The following DAB1 variants were observed in gnomAD, a reference collection of about 807,000 sequenced individuals.
The protein encoded by DAB1 is DAB adaptor protein 1.
In DAB1, 15 loss-of-function variants were observed where a neutral mutation model predicts 64.6. The observed-to-expected ratio is 0.23, with a 90% confidence interval of 0.16 to 0.36. DAB1 has a LOEUF of 0.36. DAB1 is among the 10% of genes least tolerant of loss of function. The pLI is 1.00. For missense variants in DAB1, 596 were observed against 706.7 expected (o/e 0.84, Z 1.78); for synonymous variants, 235 against 251.9 (o/e 0.93, Z 0.64).
chr1:58,151,908 G>A (rs750556890), intron 4 of DAB1, among the ~76,000 whole-genome samples: 7 of 152,194 alleles, frequency 4.6e-5, no homozygotes, highest in Admixed American at 3.3e-4. Context: ...TGTGGGGAAG[G>A]AACTTCTTGA....
At chr1:58,302,981 C>T (rs1459365960) in intron 4 of DAB1, among the ~76,000 whole-genome samples, 1 of 152,150 alleles carries the variant, frequency 6.6e-6, no homozygotes, top group Non-Finnish European at 1.5e-5. Context: ...CACCTTTCCT[C>T]TATTCTGCTT....
chr1:58,219,194 T>C (rs1659028033), intron 4 of DAB1, among the ~76,000 whole-genome samples: 2 of 151,906 alleles, frequency 1.3e-5, no homozygotes, highest in Non-Finnish European at 2.9e-5. Flanking sequence ...GTTCCTCCTC[T>C]CCTCCCCTCC....
At chr1:58,227,545 A>C (rs1362630686) in intron 4 of DAB1, among the ~76,000 whole-genome samples, 1 of 152,202 alleles carries the variant, frequency 6.6e-6, no homozygotes, top group African/African-American at 2.4e-5. Flanking sequence ...CCCCACACCC[A>C]CAGCACTCTG....
chr1:58,047,122 G>T (rs1313416332), intron 5 of DAB1, among the ~76,000 whole-genome samples: 2 of 152,118 alleles, frequency 1.3e-5, no homozygotes, highest in African/African-American at 4.8e-5. Flanking sequence ...TGGAAATTCT[G>T]TTTTATTATG....
At chr1:57,679,778 G>A (rs944554728) in intron 6 of DAB1, among the ~76,000 whole-genome samples, 2 of 152,182 alleles carry the variant, frequency 1.3e-5, no homozygotes, top group African/African-American at 4.8e-5. Context: ...AGGAAGCAGA[G>A]TTTCTGGATT....
intron 1 of DAB1, among the ~76,000 whole-genome samples, chr1:57,367,278 A>G (rs1406032783): frequency 1.3e-5 from 2 of 152,028 alleles, no homozygotes; most frequent in South Asian, 4.2e-4. Context: ...CTGTCTCAAA[A>G]AAAACAAAAA....
chr1:57,191,511 C>A (rs1175825111), intron 2 of DAB1, among the ~76,000 whole-genome samples: 1 of 152,124 alleles, frequency 6.6e-6, no homozygotes, highest in Non-Finnish European at 1.5e-5. Context: ...AAGCAAAGCT[C>A]CAAGACCATG....
At chr1:57,918,276 C>T (rs1213992405) in intron 5 of DAB1, among the ~76,000 whole-genome samples, 1 of 152,040 alleles carries the variant, frequency 6.6e-6, no homozygotes. Flanking sequence ...TTTTGTTTTG[C>T]TGTAACAGAA....
chr1:58,356,409 T>C (rs2100520265), intron 3 of DAB1, among the ~76,000 whole-genome samples: 1 of 152,304 alleles, frequency 6.6e-6, no homozygotes, highest in South Asian at 2.1e-4. Context: ...GCATACATAA[T>C]AACAAACAAA....
At chr1:58,483,660 C>G (rs181574426) in intron 3 of DAB1, among the ~76,000 whole-genome samples, 1 of 152,302 alleles carries the variant, frequency 6.6e-6, no homozygotes, top group African/African-American at 2.4e-5. Flanking sequence ...ATAGCACTTA[C>G]AGCACTTAAG....
At position 58,373,330 on chromosome 1, in the gene DAB1, T is replaced by A. The variant is rs201888868; in HGVS notation, n.258-29927A>T. Among the ~76,000 whole-genome samples, 129 of 72,658 alleles carry A rather than the reference T, an allele frequency of 1.8e-3. 4 individuals carry two copies. The highest frequency in any genetic ancestry group is 0.012 in the South Asian group (22 of 1,826). The allele number at this position is 72,658 out of a possible 152,430, so 47.7% of individuals were successfully genotyped here. On this transcript the variant is annotated intron_variant and non_coding_transcript_variant, in intron 3 of 20. Transcript: ENST00000485760. ...AATGCTATCCCTCCCCACTCCCCCC[T>A]CCCCACCACAGTCCCCAGAGTGTGA...
intron 2 of DAB1, among the ~76,000 whole-genome samples, chr1:57,279,676 A>T (rs1278941596): frequency 3.3e-5 from 5 of 152,228 alleles, no homozygotes; most frequent in African/African-American, 1.2e-4. Context: ...GAATACACAG[A>T]TGTGAAACCC....
chr1:57,385,087 A>G (rs1019662886), intron 1 of DAB1, among the ~76,000 whole-genome samples: 2 of 152,200 alleles, frequency 1.3e-5, no homozygotes, highest in Non-Finnish European at 2.9e-5. Flanking sequence ...ACAGATTGGG[A>G]TGTCTGCCCA....
chr1:57,120,646 C>T (rs933054203), intron 4 of DAB1, among the ~76,000 whole-genome samples: 1 of 152,178 alleles, frequency 6.6e-6, no homozygotes, highest in Non-Finnish European at 1.5e-5. Flanking sequence ...TGGTAACTAT[C>T]ATTCTACTTT....
chr1:57,919,728 T>C lies in DAB1; in HGVS notation n.388-35566A>G, dbSNP rs560934673. Among the ~76,000 whole-genome samples the C allele has an allele frequency of 4.6e-5, 7 of 152,298 alleles. No individual in the cohort carries two copies. The South Asian group carries it at 1.5e-3, about 32-fold the overall frequency. The stretch of plus-strand genomic sequence containing the variant: ...TTACAGGAGATAATAAACAAAGATA[T>C]TGTGATAGCTAAGCTTAGGGTGAGT... On this transcript the variant is annotated intron_variant and non_coding_transcript_variant, in intron 5 of 20. Coordinates refer to the DAB1 transcript ENST00000485760.
chr1:57,819,078 A>C (rs1652001627), intron 6 of DAB1, among the ~76,000 whole-genome samples: 1 of 152,204 alleles, frequency 6.6e-6, no homozygotes, highest in South Asian at 2.1e-4. Flanking sequence ...ATAGTGCTAT[A>C]TACATATTTG....
intron 1 of DAB1, among the ~76,000 whole-genome samples, chr1:58,540,550 T>C (rs1288526178): frequency 1.3e-5 from 2 of 151,144 alleles, no homozygotes; most frequent in Non-Finnish European, 2.9e-5. Flanking sequence ...AATATATTTC[T>C]TTAAAAGACC....
At position 57,897,706 on chromosome 1, in the gene DAB1, G is replaced by A. The variant is rs1433923267; in HGVS notation, n.388-13544C>T. Reference sequence around the variant, plus strand: ...GGATGACACAAAGATGGATGGAAGAGTAGGCATTTCTCACTCCTTGTAGGG... The same window carrying A: ...GGATGACACAAAGATGGATGGAAGAATAGGCATTTCTCACTCCTTGTAGGG... On this transcript the variant is annotated intron_variant and non_coding_transcript_variant, in intron 5 of 20. Transcript: ENST00000485760. 3.9e-5 allele frequency among the ~76,000 whole-genome samples: 6 copies of A among 152,148 alleles called. No homozygotes were observed. In the South Asian group the frequency reaches 1.0e-3, roughly 26 times the overall value.
chr1:57,563,072 C>A (rs558011220), intron 7 of DAB1, among the ~76,000 whole-genome samples: 1 of 152,240 alleles, frequency 6.6e-6, no homozygotes, highest in East Asian at 1.9e-4. Context: ...GACCCAGAAC[C>A]TTCAGGAATA....
Sources: allele counts gnomAD v4.1 joint callset (sites outside exome capture counted in the v4.1 genomes callset), GRCh38; gene constraint gnomAD v4.1.1; transcripts MANE v1.5; gene names NCBI Gene and HGNC (gene_info 2026-07-23, HGNC 2026-07-21).